HMGB1: variants seen among roughly 807,000 people sequenced by gnomAD.
The protein encoded by HMGB1 is high mobility group protein B1.
For synonymous variants in HMGB1, 81 were observed against 84.0 expected, an observed-to-expected ratio of 0.96 and a Z score of 0.19; for missense variants, 79 against 253.5, an observed-to-expected ratio of 0.31 and a Z score of 4.67.
intron 1 of HMGB1, among the ~76,000 whole-genome samples, chr13:30,583,287 C>G (rs1260441042): frequency 6.6e-6 from 1 of 152,104 alleles, no homozygotes; most frequent in Non-Finnish European, 1.5e-5. Flanking sequence ...AATCTCAGCA[C>G]TTTGGGAGAC....
At chr13:30,496,921 G>A (rs1194679805) in intron 1 of HMGB1, among the ~76,000 whole-genome samples, 1 of 152,038 alleles carries the variant, frequency 6.6e-6, no homozygotes, top group Non-Finnish European at 1.5e-5. Context: ...TTCCCGTCAT[G>A]CCCGGAGCCT....
chr13:30,500,726 CT>C (rs570120939), intron 1 of HMGB1, among the ~76,000 whole-genome samples: 273 of 127,620 alleles, frequency 2.1e-3, no homozygotes, highest in Middle Eastern at 4.1e-3. Flanking sequence ...TTTTTAATTT[CT>C]TTTTTTTTTT....
At chr13:30,558,903 G>A (rs1292292391) in intron 1 of HMGB1, among the ~76,000 whole-genome samples, 1 of 152,102 alleles carries the variant, frequency 6.6e-6, no homozygotes, top group Non-Finnish European at 1.5e-5. Flanking sequence ...TCTGATGCAC[G>A]GTAAAATTTG....
At chr13:30,554,311 C>T (rs1869575333) in intron 1 of HMGB1, 2 of 1,068,038 alleles carry the variant, frequency 1.9e-6, no homozygotes, top group African/African-American at 3.1e-5. Context: ...CTGCAGTGAT[C>T]CATTGTAGCG....
At chr13:30,590,379 TG>T (rs1195849461) in intron 1 of HMGB1, among the ~76,000 whole-genome samples, 3 of 152,252 alleles carry the variant, frequency 2.0e-5, no homozygotes, top group Non-Finnish European at 2.9e-5. Context: ...TTTGTATTTT[TG>T]GTAGAGACGG....
chr13:30,483,303 G>T lies in HMGB1; in HGVS notation c.-14-19609C>A, dbSNP rs899280569. On this transcript the variant is annotated intron_variant, in intron 1 of 4. Coordinates refer to the HMGB1 transcript ENST00000405805. ...GCTCATCATTAAAACTTCCTCTGGG[G>T]GTCCTCTCACTCAGTTGCCCGGCCC... Among the ~76,000 whole-genome samples, 6 of 151,922 alleles carry T rather than the reference G, an allele frequency of 3.9e-5. No individual in the cohort carries two copies. In the East Asian group the frequency reaches 9.6e-4, roughly 24 times the overall value.
At chr13:30,556,623 G>A (rs748741264) in intron 1 of HMGB1, among the ~76,000 whole-genome samples, 2 of 152,184 alleles carry the variant, frequency 1.3e-5, no homozygotes, top group African/African-American at 2.4e-5. Flanking sequence ...AGATGAAACT[G>A]GAGGACATTA....
At chr13:30,588,045 C>T (rs1236358379) in intron 1 of HMGB1, among the ~76,000 whole-genome samples, 1 of 152,226 alleles carries the variant, frequency 6.6e-6, no homozygotes, top group Non-Finnish European at 1.5e-5. Context: ...CATATGCTGT[C>T]ATGCATGTCT....
In HMGB1 at chr13:30,611,440, C is replaced by T. The variant is rs547596715; in HGVS notation, c.-15+5231G>A. Among the ~76,000 whole-genome samples, 7 of 152,218 alleles carry T rather than the reference C, an allele frequency of 4.6e-5. No individual in the cohort carries two copies. In the South Asian group the frequency reaches 1.5e-3, roughly 32 times the overall value. On this transcript the variant is annotated intron_variant, in intron 1 of 4. Transcript: ENST00000405805. ...GCCTTCCAAAGTGCTGGGATTACAG[C>T]TATTTTAAGGACTTTTTAAAAAGTG... is the stretch of plus-strand genomic sequence containing the variant.
At chr13:30,596,519 G>A (rs1178321629) in intron 1 of HMGB1, among the ~76,000 whole-genome samples, 2 of 152,168 alleles carry the variant, frequency 1.3e-5, no homozygotes, top group African/African-American at 4.8e-5. Flanking sequence ...CGAGAATTAA[G>A]GCTTAAGAAA....
chr13:30,616,221 A>C (rs1950560523), intron 1 of HMGB1, among the ~76,000 whole-genome samples: 1 of 152,152 alleles, frequency 6.6e-6, no homozygotes, highest in East Asian at 1.9e-4. Context: ...GAACACACTA[A>C]AATCCCTTCC....
intron 1 of HMGB1, among the ~76,000 whole-genome samples, chr13:30,577,609 G>A (rs1190720595): frequency 6.6e-6 from 1 of 152,122 alleles, no homozygotes; most frequent in Non-Finnish European, 1.5e-5. Context: ...TATCACTGTG[G>A]GTTAGAGTCA....
chr13:30,614,849 C>T lies in HMGB1; in HGVS notation c.-15+1822G>A, dbSNP rs1404516587. On this transcript the variant is annotated intron_variant, in intron 1 of 4. Transcript: ENST00000405805. ...GAGTAGCTGGGTTTACAGGCGCCTC[C>T]CACCGCGCCCGGTTAATTTTTGTAT... is the stretch of plus-strand genomic sequence containing the variant. 2.0e-5 allele frequency among the ~76,000 whole-genome samples: 3 copies of T among 151,862 alleles called. No individual in the cohort carries two copies. In the East Asian group the frequency reaches 5.8e-4, roughly 29 times the overall value.
chr13:30,533,302 C>G (rs993393325), intron 1 of HMGB1, among the ~76,000 whole-genome samples: 3 of 152,216 alleles, frequency 2.0e-5, no homozygotes, highest in Non-Finnish European at 2.9e-5. Context: ...TCAGTTAGGG[C>G]TTCTGGAGTT....
chr13:30,530,734 A>T lies in HMGB1; in HGVS notation c.-14-67040T>A, dbSNP rs139660099. On this transcript the variant is annotated intron_variant, in intron 1 of 4. Transcript: ENST00000405805. ...AAAGACTTTTTTTATATGCTTCATG[A>T]TCTTATTGGTGCAACAAGAACACAA... Among the ~76,000 whole-genome samples the T allele has an allele frequency of 1.5e-3, 224 of 152,306 alleles. 1 individual carries two copies. The highest frequency in any genetic ancestry group is 5.1e-3 in the African/African-American group (214 of 41,578).
intron 1 of HMGB1, among the ~76,000 whole-genome samples, chr13:30,485,189 G>A (rs931065060): frequency 6.6e-6 from 1 of 151,840 alleles, no homozygotes; most frequent in South Asian, 2.1e-4. Context: ...GAGCCACCAC[G>A]CCCAGTTAAT....
chr13:30,540,540 T>A (rs1171206669), intron 1 of HMGB1: 1 of 162,320 alleles, frequency 6.2e-6, no homozygotes, highest in Non-Finnish European at 1.4e-5. Flanking sequence ...AAGAGGCAGG[T>A]CTGACATTCT....
At chr13:30,570,841 T>C (rs776374039) in intron 1 of HMGB1, among the ~76,000 whole-genome samples, 22 of 152,200 alleles carry the variant, frequency 1.4e-4, no homozygotes, top group Non-Finnish European at 2.8e-4. Flanking sequence ...GAGATGATGG[T>C]TCTATATTCT....
rs1358583333 is a variant in HMGB1 at position 30,538,621 on chromosome 13, C to CTT, written c.-14-74928_-14-74927insAA. Among the ~76,000 whole-genome samples, 615 of 109,292 alleles carry CTT rather than the reference C, an allele frequency of 5.6e-3. 42 individuals carry two copies. Among genetic ancestry groups the CTT allele is most frequent in the African/African-American group, 0.031 (577 of 18,840 alleles). The allele number at this position is 109,292 out of a possible 152,430, so 71.7% of individuals were successfully genotyped here. ...TCTTTTTCTTTCTTTCTCTTTCTCT[C>CTT]TCTCTTTCTTTTTCTTTCTTCCTTT... On this transcript the variant is annotated intron_variant, in intron 1 of 4. Coordinates refer to the HMGB1 transcript ENST00000405805.
Sources: allele counts gnomAD v4.1 joint callset (sites outside exome capture counted in the v4.1 genomes callset), GRCh38; gene constraint gnomAD v4.1.1; transcripts MANE v1.5; gene names NCBI Gene and HGNC (gene_info 2026-07-23, HGNC 2026-07-21).